ITPR2: variants seen among roughly 807,000 people sequenced by gnomAD.
The protein encoded by ITPR2 is inositol 1,4,5-trisphosphate-gated calcium channel ITPR2.
A neutral mutation model predicts 317.1 loss-of-function variants in ITPR2; 207 were observed. The ratio of observed to expected loss-of-function variants is 0.65; its 90% CI spans 0.58 to 0.73. The LOEUF (loss-of-function observed/expected upper bound fraction) is 0.73. ITPR2 is among the 30% of genes least tolerant of loss of function. The probability of loss-of-function intolerance (pLI) is 0.00; values close to 1 mark genes in which losing one functional copy is unlikely to be tolerated. For missense variants in ITPR2, 2,613 were observed against 3,284.0 expected (o/e 0.80, Z 4.99); for synonymous variants, 1,156 against 1,149.1 (o/e 1.01, Z -0.12).
At chr12:26,666,145 G>GATAA in intron 13 of ITPR2, 94 bp from the exon 14 acceptor site, 3 of 394,304 alleles carry the variant, frequency 7.6e-6, no homozygotes, top group Non-Finnish European at 7.9e-6. Flanking sequence ...GAGATAGATA[G>GATAA]ATAGATAGAT....
Position 26,637,945 on chromosome 12 carries a change from T to C in ITPR2, c.2741-5886A>G, listed in dbSNP as rs533283169. Among the ~76,000 whole-genome samples the C allele has an allele frequency of 3.3e-5, 5 of 152,322 alleles. No homozygotes were observed. The East Asian group carries it at 9.6e-4, about 29-fold the overall frequency. On this transcript the variant is annotated intron_variant, in intron 21 of 56. Coordinates refer to ENST00000381340, the MANE Select transcript of ITPR2 (RefSeq NM_002223.4). ...CACTGAATACAGTGTATTAATAGACTGCTTACAGATTCCAACTTTACAAGG... is the reference window on the plus strand; with the variant it reads ...CACTGAATACAGTGTATTAATAGACCGCTTACAGATTCCAACTTTACAAGG...
chr12:26,598,494 C>G (rs1024711697), intron 30 of ITPR2, among the ~76,000 whole-genome samples: 1 of 152,142 alleles, frequency 6.6e-6, no homozygotes, highest in African/African-American at 2.4e-5. Flanking sequence ...AATCAACGGG[C>G]TCTTTAAGCT....
At chr12:26,460,986 T>C (rs1942005084) in intron 45 of ITPR2, among the ~76,000 whole-genome samples, 2 of 152,202 alleles carry the variant, frequency 1.3e-5, no homozygotes, top group African/African-American at 4.8e-5. Flanking sequence ...TTCATTCCTA[T>C]CCTGAATCCA....
At chr12:26,651,365 TTC>T (rs74914310) in intron 21 of ITPR2, among the ~76,000 whole-genome samples, 24,152 of 152,172 alleles carry the variant, frequency 0.16, 1,963 homozygotes, top group African/African-American at 0.2. Flanking sequence ...TTCAAATCTA[TTC>T]TCTCTTTGAC....
At chr12:26,566,041 G>A (rs1487183409) in intron 34 of ITPR2, among the ~76,000 whole-genome samples, 1 of 135,052 alleles carries the variant, frequency 7.4e-6, no homozygotes, top group Admixed American at 7.3e-5. Flanking sequence ...AAAGGAGAAG[G>A]AGAGGAGATG....
rs1945480919 is a variant in ITPR2, at chr12:26,584,744, T to C, written c.4381-4589A>G. 2.6e-5 allele frequency among the ~76,000 whole-genome samples: 4 copies of C among 152,114 alleles called. No homozygotes were observed. The South Asian group carries it at 8.3e-4, about 32-fold the overall frequency. ...TTTTTTTAACTTATCTGAATTAAAA[T>C]TTACATTTAAATAGCCACAGTTGGG... is the stretch of plus-strand genomic sequence containing the variant. On this transcript the variant is annotated intron_variant, in intron 32 of 56. Transcript: ENST00000381340.
chr12:26,432,937 T>C lies in ITPR2; in HGVS notation c.6769+3284A>G, dbSNP rs548420257. 4.6e-5 allele frequency among the ~76,000 whole-genome samples: 7 copies of C among 152,288 alleles called. No individual in the cohort carries two copies. The South Asian group carries it at 1.5e-3, about 32-fold the overall frequency. ...ACTTCACAGTGGCCCTAGCATACAG[T>C]CGTTCAGCCTGTTTGACCAAATCCA... On this transcript the variant is annotated intron_variant, in intron 48 of 56. Coordinates refer to ENST00000381340, the MANE Select transcript of ITPR2 (RefSeq NM_002223.4).
At chr12:26,549,624 C>A (rs1944475707) in intron 37 of ITPR2, among the ~76,000 whole-genome samples, 1 of 151,974 alleles carries the variant, frequency 6.6e-6, no homozygotes, top group African/African-American at 2.4e-5. Context: ...AAGTGTATCA[C>A]CTTGGGTATC....
chr12:26,640,097 C>T (rs868855353), intron 21 of ITPR2, among the ~76,000 whole-genome samples: 5 of 152,086 alleles, frequency 3.3e-5, no homozygotes, highest in South Asian at 2.1e-4. Context: ...AACTGGGGAG[C>T]CTATGCAAGT....
chr12:26,611,966 G>A (rs953216738), intron 26 of ITPR2, among the ~76,000 whole-genome samples: 3 of 152,156 alleles, frequency 2.0e-5, no homozygotes, highest in African/African-American at 4.8e-5. Flanking sequence ...TGCTGGGGAC[G>A]ATAGGTTTAA....
At chr12:26,361,443 T>C (rs1426755975) in intron 55 of ITPR2, among the ~76,000 whole-genome samples, 1 of 152,080 alleles carries the variant, frequency 6.6e-6, no homozygotes, top group Non-Finnish European at 1.5e-5. Context: ...CCCCATTGCA[T>C]CATAATTCTT....
At chr12:26,465,018 C>T (rs1942134624) in intron 45 of ITPR2, among the ~76,000 whole-genome samples, 1 of 152,114 alleles carries the variant, frequency 6.6e-6, no homozygotes, top group Non-Finnish European at 1.5e-5. Context: ...AGAAGACAGG[C>T]CCACGCTGAA....
chr12:26,515,389 T>C (rs893349956), intron 37 of ITPR2, among the ~76,000 whole-genome samples: 41 of 152,200 alleles, frequency 2.7e-4, no homozygotes, highest in Non-Finnish European at 2.9e-5. Flanking sequence ...GCTGTAATTA[T>C]TGTATTGCCT....
chr12:26,756,211 A>T (rs975407811), intron 2 of ITPR2, among the ~76,000 whole-genome samples: 1 of 152,218 alleles, frequency 6.6e-6, no homozygotes, highest in African/African-American at 2.4e-5. Context: ...TACATCTGTT[A>T]TTAGATTATA....
intron 2 of ITPR2, among the ~76,000 whole-genome samples, chr12:26,742,812 T>TG (rs1949255558): frequency 2.0e-5 from 3 of 147,338 alleles, no homozygotes; most frequent in African/African-American, 7.7e-5. Context: ...GACTCTGTCT[T>TG]GGGAAAAAAA....
At chr12:26,504,833 A>AATTGACAAATAAATTATAGAATATTCCC (rs1330322379) in intron 37 of ITPR2, among the ~76,000 whole-genome samples, 2 of 152,242 alleles carry the variant, frequency 1.3e-5, no homozygotes, top group East Asian at 3.8e-4. Context: ...GTGACAGGAA[A>AATTGACAAATAAATTATAGAATATTCCC]ATTGACAAAT....
chr12:26,424,920 A>T (rs1045746092), intron 49 of ITPR2, among the ~76,000 whole-genome samples: 39 of 151,564 alleles, frequency 2.6e-4, no homozygotes, highest in African/African-American at 8.0e-4. Flanking sequence ...CCATCATGCC[A>T]TACTAATTTT....
Position 26,400,127 on chromosome 12 carries a change from C to T in ITPR2, c.7530+1G>A. ...GAAAAAATACTTTTACTCTGGCTTA[C>T]ATCTTTCGATGGCCTTCTTAGCACA... On this transcript the variant is annotated splice_donor_variant, in intron 53 of 56. Transcript: ENST00000381340. LOFTEE classifies it high-confidence loss of function. 6.2e-7 allele frequency: 1 copy of T among 1,605,834 alleles called. No homozygotes were observed. The highest frequency in any genetic ancestry group is 8.5e-7 in the Non-Finnish European group (1 of 1,175,882).
At chr12:26,439,418 T>A in intron 46 of ITPR2, 99 bp from the exon 47 acceptor site, 1 of 847,468 alleles carries the variant, frequency 1.2e-6, no homozygotes, top group South Asian at 2.2e-5. Flanking sequence ...GTTTTATGAA[T>A]TCAGTTGTGA....
Sources: gnomAD v4.1 joint callset for allele counts (sites outside exome capture counted in the v4.1 genomes callset) on GRCh38, gnomAD v4.1.1 for gene constraint, MANE v1.5 for transcripts, NCBI Gene and HGNC (gene_info 2026-07-23, HGNC 2026-07-21) for gene names.